Variants in CFAP52 observed in about 807,000 individuals in gnomAD.
The protein encoded by CFAP52 is cilia- and flagella-associated protein 52.
Under a neutral mutation model 70.5 loss-of-function variants are expected in CFAP52, and 57 were observed. That is an observed-to-expected ratio of 0.81 (90% CI 0.65 to 1.01). The LOEUF is 1.01. Among genes scored for constraint, CFAP52 ranks in the 50% least tolerant of loss-of-function variants. CFAP52 has a pLI of 0.00. For missense variants in CFAP52, 785 were observed against 788.5 expected, an observed-to-expected ratio of 1.00 and a Z score of 0.05; for synonymous variants, 267 against 292.5, an observed-to-expected ratio of 0.91 and a Z score of 0.89.
At chr17:9,594,012 C>T (rs1013021091) in intron 3 of CFAP52, among the ~76,000 whole-genome samples, 181 bp from the exon 4 acceptor site, 4 of 152,052 alleles carry the variant, frequency 2.6e-5, no homozygotes, top group African/African-American at 9.7e-5. Flanking sequence ...AATGTGTCAC[C>T]GTTGTGTCTT....
chr17:9,585,671 A>ACT, intron 1 of CFAP52, 102 bp from the exon 2 acceptor site: 1 of 681,484 alleles, frequency 1.5e-6, no homozygotes, highest in Non-Finnish European at 2.2e-6. Flanking sequence ...AGACTCTGTC[A>ACT]CACACACACA....
downstream of CFAP52, chr17:9,645,273 A>C: frequency 6.0e-6 from 1 of 167,786 alleles, no homozygotes; most frequent in Non-Finnish European, 1.3e-5. This position sits in a 1 kb window ranked among gnomAD's most constrained non-coding sequence, Gnocchi z 6.8. Context: ...ATTTCTCCGT[A>C]ATTTCCACTG....
intron 3 of CFAP52, among the ~76,000 whole-genome samples, chr17:9,588,123 G>A (rs1312825487): frequency 1.3e-5 from 2 of 152,206 alleles, no homozygotes; most frequent in Non-Finnish European, 2.9e-5. Context: ...GGCCAAGGTA[G>A]GATGTTTACA....
At chr17:9,583,270 A>T (rs1340137670) in intron 1 of CFAP52, among the ~76,000 whole-genome samples, 1 of 151,902 alleles carries the variant, frequency 6.6e-6, no homozygotes, top group Non-Finnish European at 1.5e-5. Context: ...GGAACACTCA[A>T]TTAAAATGAA....
At chr17:9,603,431 G>A (rs1364871000) in intron 6 of CFAP52, among the ~76,000 whole-genome samples, 1 of 152,106 alleles carries the variant, frequency 6.6e-6, no homozygotes, top group Non-Finnish European at 1.5e-5. Flanking sequence ...GGATGGTCTC[G>A]ATCTCCTGAC....
chr17:9,636,698 A>C (rs913743160), intron 11 of CFAP52, among the ~76,000 whole-genome samples: 3 of 152,176 alleles, frequency 2.0e-5, no homozygotes, highest in African/African-American at 7.2e-5. Context: ...ACGACAAAGA[A>C]CATGAGATAC....
Position 9,633,047 on chromosome 17 carries a change from A to G in CFAP52, c.1320+14A>G. On this transcript the variant is annotated intron_variant, in intron 10 of 13. Transcript: ENST00000352665. ...GGGGAAGGGGAGGTATTGAAAGCAG[A>G]AATTTGAAAAAATAACGCTCTGTTT... The G allele has an allele frequency of 6.2e-7, 1 of 1,611,644 alleles. No individual in the cohort carries two copies.
Position 9,608,229 on chromosome 17 carries a change from G to A in CFAP52, c.854+10G>A, listed in dbSNP as rs182160437. The A allele has an allele frequency of 1.1e-5, 18 of 1,600,480 alleles. No homozygotes were observed. The highest frequency in any genetic ancestry group is 2.7e-5 in the African/African-American group (2 of 74,832). On this transcript the variant is annotated intron_variant, in intron 7 of 13. Coordinates refer to ENST00000352665, the MANE Select transcript of CFAP52 (RefSeq NM_145054.5). ...GCTACAAACCCATCAAGTAAGTTCC[G>A]GGTCTCACACAGTGGGGCTGGGTAG...
intron 11 of CFAP52, among the ~76,000 whole-genome samples, chr17:9,637,025 A>G (rs1015064409): frequency 6.6e-5 from 10 of 152,208 alleles, no homozygotes; most frequent in African/African-American, 2.4e-4. Context: ...AGCCTGGGCC[A>G]CAGAGTGAGA....
At chr17:9,638,512 C>A (rs554582787) in intron 11 of CFAP52, 97 bp from the exon 12 acceptor site, 3 of 1,175,470 alleles carry the variant, frequency 2.6e-6, no homozygotes, top group South Asian at 1.3e-5. Context: ...GATAAACCAA[C>A]CCAAATCCCA....
At chr17:9,587,293 A>C (rs371271955) in intron 3 of CFAP52, among the ~76,000 whole-genome samples, 1 of 152,118 alleles carries the variant, frequency 6.6e-6, no homozygotes, top group Non-Finnish European at 1.5e-5. Context: ...GGTTGATTCC[A>C]TGTCTTTGCT....
At chr17:9,624,066 T>A (rs1322841988) in intron 8 of CFAP52, among the ~76,000 whole-genome samples, 2 of 152,202 alleles carry the variant, frequency 1.3e-5, no homozygotes, top group African/African-American at 4.8e-5. Context: ...CTTATGATTT[T>A]CTTCTTTATA....
chr17:9,614,120 TCTTTTC>T (rs1029741673), intron 8 of CFAP52, among the ~76,000 whole-genome samples: 1 of 151,900 alleles, frequency 6.6e-6, no homozygotes, highest in African/African-American at 2.4e-5. Flanking sequence ...TGCATCTCTT[TCTTTTC>T]CTTTTCCTTT....
intron 1 of CFAP52, among the ~76,000 whole-genome samples, chr17:9,584,835 C>G (rs28555611): frequency 6.6e-6 from 1 of 152,012 alleles, no homozygotes; most frequent in Non-Finnish European, 1.5e-5. Context: ...GTTGGCCAGG[C>G]TGGTCTTGAA....
intron 10 of CFAP52, among the ~76,000 whole-genome samples, chr17:9,634,184 T>C (rs1392320921): frequency 6.6e-6 from 1 of 152,194 alleles, no homozygotes; most frequent in East Asian, 1.9e-4. Context: ...AGCCTTCCCT[T>C]TCTCTTTGAG....
intron 10 of CFAP52, among the ~76,000 whole-genome samples, chr17:9,633,593 A>G (rs1910647542): frequency 6.6e-6 from 1 of 152,062 alleles, no homozygotes; most frequent in Non-Finnish European, 1.5e-5. Context: ...GAGTTAAGGA[A>G]TTCATGCGGG....
intron 8 of CFAP52, among the ~76,000 whole-genome samples, chr17:9,614,693 T>C (rs1287676242): frequency 1.3e-5 from 2 of 152,244 alleles, no homozygotes; most frequent in Non-Finnish European, 2.9e-5. Flanking sequence ...TATTGACATT[T>C]TGAGTTAGAT....
rs1465645624 is a variant in CFAP52, at chr17:9,641,785, G to C, written c.1637G>C (p.Gly546Ala). ...AGAGAATTGGAAGGTTCCCTGTCTG[G>C]GTCGATAAATGGCATGGATATCACA... ...VIRELEGSLS[G>A]SINGMDITQE... Residue 546 changes from glycine (G) to alanine (A), a missense_variant, in exon 13 of 14, where the codon GGG becomes GCG. By Grantham distance (60) the Gly-to-Ala change is moderately conservative. Transcript: ENST00000352665. The C allele has an allele frequency of 6.2e-7, 1 of 1,613,878 alleles. No individual in the cohort carries two copies. Among genetic ancestry groups the C allele is most frequent in the African/African-American group, 1.3e-5 (1 of 74,918 alleles).
chr17:9,640,307 C>T (rs910213714), intron 12 of CFAP52, among the ~76,000 whole-genome samples: 4 of 150,780 alleles, frequency 2.7e-5, no homozygotes, highest in East Asian at 2.0e-4. Context: ...AAACATGTGC[C>T]GTGGTGGTTT....
Sources: allele counts gnomAD v4.1 joint callset (sites outside exome capture counted in the v4.1 genomes callset), GRCh38; gene constraint gnomAD v4.1.1; non-coding constraint Gnocchi (gnomAD v3.1); transcripts MANE v1.5; gene names NCBI Gene and HGNC (gene_info 2026-07-23, HGNC 2026-07-21).